Variants in ARSJ observed in about 807,000 individuals in gnomAD.
ARSJ encodes the protein arylsulfatase family member J, also known as arylsulfatase J.
Under a neutral mutation model 35.9 loss-of-function variants are expected in ARSJ, and 26 were observed. The ratio of observed to expected loss-of-function variants is 0.72; its 90% CI spans 0.53 to 1.00. The LOEUF (loss-of-function observed/expected upper bound fraction) is 1.00, where lower values mean the gene tolerates loss of function less well. Ranked by LOEUF, ARSJ falls within the 50% of genes least tolerant of loss-of-function variation. The pLI is 0.00. For synonymous variants in ARSJ, 294 were observed against 267.6 expected (o/e 1.10, Z -0.96); for missense variants, 667 against 723.6 (o/e 0.92, Z 0.90).
intron 1 of ARSJ, among the ~76,000 whole-genome samples, chr4:113,914,718 T>C (rs546204170): frequency 1.0e-3 from 153 of 152,306 alleles, no homozygotes; most frequent in African/African-American, 3.4e-3. Flanking sequence ...GAAAAAATTA[T>C]CACAAGTCTA....
intron 1 of ARSJ, 121 bp downstream of exon 1, chr4:113,978,316 C>A: frequency 1.1e-6 from 1 of 917,082 alleles, no homozygotes; most frequent in Non-Finnish European, 1.6e-6. Flanking sequence ...ATCATTCATT[C>A]ATTCTTCATT....
intron 1 of ARSJ, among the ~76,000 whole-genome samples, chr4:113,942,993 A>T (rs1016849929): frequency 2.0e-5 from 3 of 152,046 alleles, no homozygotes; most frequent in African/African-American, 7.2e-5. Context: ...TCATAAAGGT[A>T]GATTTTGAAT....
At chr4:113,916,036 G>T (rs1187665878) in intron 1 of ARSJ, among the ~76,000 whole-genome samples, 1 of 152,170 alleles carries the variant, frequency 6.6e-6, no homozygotes, top group Non-Finnish European at 1.5e-5. Context: ...CGAAAAGTTT[G>T]CCCCTTATGG....
intron 1 of ARSJ, among the ~76,000 whole-genome samples, chr4:113,911,572 C>T (rs1044855244): frequency 3.8e-4 from 58 of 151,904 alleles, no homozygotes; most frequent in African/African-American, 1.4e-3. Flanking sequence ...GATAGGGTTA[C>T]AGACTATATG....
intron 1 of ARSJ, among the ~76,000 whole-genome samples, chr4:113,924,028 TATATATAAATATATATAA>T (rs1723852504): frequency 2.7e-4 from 1 of 3,732 alleles, no homozygotes; most frequent in African/African-American, 3.1e-4. Flanking sequence ...TCTACATATA[TATATATAAATATATATAA>T]ATATATATAA....
At chr4:113,972,305 A>C (rs1727307769) in intron 1 of ARSJ, among the ~76,000 whole-genome samples, 1 of 133,588 alleles carries the variant, frequency 7.5e-6, no homozygotes, top group Non-Finnish European at 1.6e-5. Context: ...AAAAAAAAAA[A>C]ACAAAAAAAA....
rs150978783 is a variant in ARSJ, at chr4:113,923,380, T to A, written c.399-19705A>T. ...TATAGAAGCAAAATTTTGAGGAAAA[T>A]AGCTCTTAGATTTCAGCCTATGTAG... is the stretch of plus-strand genomic sequence containing the variant. On this transcript the variant is annotated intron_variant, in intron 1 of 1. Coordinates refer to ENST00000315366, the MANE Select transcript of ARSJ (RefSeq NM_024590.4). 8.9e-3 allele frequency among the ~76,000 whole-genome samples: 1,353 copies of A among 152,236 alleles called. 15 individuals are homozygous for A. The highest frequency in any genetic ancestry group is 0.017 in the Middle Eastern group (5 of 294).
In ARSJ at chr4:113,923,039, C is replaced by T. The variant is rs564061981; in HGVS notation, c.399-19364G>A. 8.5e-5 allele frequency among the ~76,000 whole-genome samples: 13 copies of T among 152,252 alleles called. No homozygotes were observed. In the East Asian group the frequency reaches 2.5e-3, roughly 29 times the overall value. ...GGCCTTAATGAAAAAAGACTGATGT[C>T]TCCTGAAGATGGAATTCTGCCGGCA... On this transcript the variant is annotated intron_variant, in intron 1 of 1. Coordinates refer to ENST00000315366, the MANE Select transcript of ARSJ (RefSeq NM_024590.4).
At chr4:113,932,279 A>G (rs1214832124) in intron 1 of ARSJ, among the ~76,000 whole-genome samples, 2 of 152,022 alleles carry the variant, frequency 1.3e-5, no homozygotes, top group African/African-American at 4.8e-5. Context: ...GCGAACTTCA[A>G]CACCCCACTC....
intron 1 of ARSJ, among the ~76,000 whole-genome samples, chr4:113,931,151 T>C (rs745750390): frequency 6.6e-6 from 1 of 151,374 alleles, no homozygotes; most frequent in Non-Finnish European, 1.5e-5. Context: ...AATGTGCACA[T>C]GTACCCTAAA....
intron 1 of ARSJ, among the ~76,000 whole-genome samples, chr4:113,955,298 C>G (rs558484847): frequency 6.6e-6 from 1 of 152,012 alleles, no homozygotes; most frequent in Non-Finnish European, 1.5e-5. Flanking sequence ...ACCCCAAATT[C>G]TAAATAAAAT....
intron 1 of ARSJ, among the ~76,000 whole-genome samples, chr4:113,958,464 C>A (rs1178595346): frequency 6.6e-6 from 1 of 151,894 alleles, no homozygotes; most frequent in Non-Finnish European, 1.5e-5. Context: ...TGAAAGAATC[C>A]ATTAATTATT....
chr4:113,968,104 T>C (rs1727007792), intron 1 of ARSJ, among the ~76,000 whole-genome samples: 1 of 152,162 alleles, frequency 6.6e-6, no homozygotes, highest in South Asian at 2.1e-4. Flanking sequence ...CAGGCTCTGT[T>C]CTAAACGCTT....
intron 1 of ARSJ, among the ~76,000 whole-genome samples, chr4:113,924,137 A>C (rs1383896235): frequency 6.9e-6 from 1 of 144,326 alleles, no homozygotes; most frequent in Non-Finnish European, 1.5e-5. Flanking sequence ...GAGTTTATTA[A>C]GTATTAACTT....
intron 1 of ARSJ, among the ~76,000 whole-genome samples, chr4:113,933,997 G>A (rs972621017): frequency 2.6e-5 from 4 of 151,896 alleles, no homozygotes; most frequent in African/African-American, 9.6e-5. Context: ...AATGCCTGAA[G>A]ACTATCAAAA....
At position 113,902,019 on chromosome 4, in the gene ARSJ, C is replaced by T. The variant is rs1030657109; in HGVS notation, c.*255G>A. ...CAGCAGTGGAACTCAGGACTCACCA[C>T]GTTTTCTAAAGGAGCAAGAGAAATA... is the stretch of plus-strand genomic sequence containing the variant. On this transcript the variant is annotated 3_prime_UTR_variant, in exon 2 of 2. Coordinates refer to ENST00000315366, the MANE Select transcript of ARSJ (RefSeq NM_024590.4). 5.5e-6 allele frequency: 6 copies of T among 1,090,576 alleles called. No individual in the cohort carries two copies. The highest frequency in any genetic ancestry group is 7.6e-6 in the Non-Finnish European group (6 of 791,566). 67.6% of individuals were successfully genotyped at this position (1,090,576 alleles called of 1,614,324 possible).
intron 1 of ARSJ, among the ~76,000 whole-genome samples, chr4:113,939,132 A>G (rs1344878072): frequency 2.8e-5 from 4 of 144,458 alleles, no homozygotes; most frequent in Admixed American, 1.4e-4. Context: ...TCATTGTTCA[A>G]TTCCCATCTA....
chr4:113,905,474 T>G (rs2099668427), intron 1 of ARSJ, among the ~76,000 whole-genome samples: 1 of 152,004 alleles, frequency 6.6e-6, no homozygotes, highest in Non-Finnish European at 1.5e-5. Context: ...GGCACTGGAG[T>G]GATATCTGAT....
At chr4:113,949,054 G>A (rs986641914) in intron 1 of ARSJ, among the ~76,000 whole-genome samples, 6 of 152,024 alleles carry the variant, frequency 3.9e-5, no homozygotes, top group African/African-American at 1.4e-4. Flanking sequence ...CATGGATGAA[G>A]CTGGAAACCA....
Sources: gnomAD v4.1 joint callset for allele counts (sites outside exome capture counted in the v4.1 genomes callset) on GRCh38, gnomAD v4.1.1 for gene constraint, MANE v1.5 for transcripts, NCBI Gene and HGNC (gene_info 2026-07-23, HGNC 2026-07-21) for gene names.